MYO1E: variants seen among roughly 807,000 people sequenced by gnomAD.
MYO1E encodes the protein myosin IE.
MYO1E carries 68 observed loss-of-function variants against 151.1 expected under a neutral mutation model. That is an observed-to-expected ratio of 0.45 (90% CI 0.37 to 0.55). The LOEUF (loss-of-function observed/expected upper bound fraction) is 0.55. MYO1E is among the 20% of genes least tolerant of loss of function. The pLI, the probability that MYO1E is intolerant of heterozygous loss-of-function variation, is 0.00. For synonymous variants in MYO1E, 601 were observed against 501.7 expected, an observed-to-expected ratio of 1.20 and a Z score of -2.64; for missense variants, 1,363 against 1,389.3, an observed-to-expected ratio of 0.98 and a Z score of 0.30.
At chr15:59,202,488 G>T in intron 15 of MYO1E, 81 bp from the exon 16 acceptor site, 1 of 1,271,976 alleles carries the variant, frequency 7.9e-7, no homozygotes, top group Non-Finnish European at 1.1e-6. Flanking sequence ...AGGATGGGGT[G>T]AAGGGCCGTC....
intron 1 of MYO1E, among the ~76,000 whole-genome samples, chr15:59,353,368 A>G (rs868410430): frequency 8.4e-5 from 12 of 142,804 alleles, no homozygotes; most frequent in Non-Finnish European, 1.2e-4. Flanking sequence ...AAAAAAAAAA[A>G]AAAAAGAAAA....
chr15:59,193,625 C>T (rs1431139635), intron 17 of MYO1E, among the ~76,000 whole-genome samples: 1 of 152,138 alleles, frequency 6.6e-6, no homozygotes, highest in African/African-American at 2.4e-5. Flanking sequence ...ACACGACGGT[C>T]ACCTCGAACT....
In MYO1E at chr15:59,231,683, A is replaced by C. The variant is rs201941107; in HGVS notation, c.510+19T>G. ...ATCATCAATCAAGCGACACTCTCTG[A>C]AACAGGGAAGGGACTTACAAATCGG... On this transcript the variant is annotated intron_variant, in intron 6 of 27. Coordinates refer to ENST00000288235, the MANE Select transcript of MYO1E (RefSeq NM_004998.4). 5.7e-4 allele frequency: 921 copies of C among 1,611,772 alleles called. 2 individuals are homozygous for C. The highest frequency in any genetic ancestry group is 4.6e-5 in the Non-Finnish European group (54 of 1,177,866).
chr15:59,171,623 A>G (rs1330879222), intron 22 of MYO1E, among the ~76,000 whole-genome samples: 5 of 152,180 alleles, frequency 3.3e-5, no homozygotes, highest in Non-Finnish European at 1.5e-5. Flanking sequence ...TACCGGGTTC[A>G]TTTCTAACAC....
chr15:59,315,337 C>A (rs553296920), intron 1 of MYO1E, among the ~76,000 whole-genome samples: 1 of 152,102 alleles, frequency 6.6e-6, no homozygotes. Context: ...CCATCCCCAT[C>A]CACGTAAAAC....
rs572648314 is a variant in MYO1E, at chr15:59,262,448, C to T, written c.148-939G>A. On this transcript the variant is annotated intron_variant, in intron 2 of 27. Coordinates refer to ENST00000288235, the MANE Select transcript of MYO1E (RefSeq NM_004998.4). ...CCTGGGCAACATAGCAAAACTCCAT[C>T]TCTAAAAAAACAAAAACAAAAACAA... 6.6e-4 allele frequency among the ~76,000 whole-genome samples: 100 copies of T among 151,014 alleles called. 1 individual carries two copies. Among genetic ancestry groups the T allele is most frequent in the African/African-American group, 2.5e-3 (100 of 40,490 alleles).
intron 1 of MYO1E, among the ~76,000 whole-genome samples, chr15:59,332,902 T>C (rs949590159): frequency 1.3e-5 from 2 of 152,142 alleles, no homozygotes; most frequent in African/African-American, 4.8e-5. Flanking sequence ...TTTGTCAAGA[T>C]TGGCTCCATG....
chr15:59,231,836 AC>A, intron 5 of MYO1E, 45 bp from the exon 6 acceptor site: 1 of 1,583,890 alleles, frequency 6.3e-7, no homozygotes, highest in Non-Finnish European at 8.7e-7. Context: ...GTGAACACCT[AC>A]CACACAGTGT....
chr15:59,252,754 G>A (rs532613811), intron 4 of MYO1E, among the ~76,000 whole-genome samples: 2 of 150,354 alleles, frequency 1.3e-5, no homozygotes, highest in South Asian at 4.2e-4. Context: ...AGGCATGGTG[G>A]TGCATGCCTT....
chr15:59,213,742 C>T (rs1004511770), intron 12 of MYO1E, among the ~76,000 whole-genome samples: 5 of 151,838 alleles, frequency 3.3e-5, no homozygotes, highest in African/African-American at 1.2e-4. Context: ...ATTACAGGCA[C>T]GAGCCACAGC....
intron 25 of MYO1E, 44 bp downstream of exon 25, chr15:59,158,237 TTATGGG>T: frequency 7.1e-7 from 1 of 1,409,962 alleles, no homozygotes; most frequent in Non-Finnish European, 9.8e-7. Context: ...ATTTTATAAG[TTATGGG>T]TCCAGATTTA....
intron 1 of MYO1E, among the ~76,000 whole-genome samples, chr15:59,296,889 A>G (rs28502264): frequency 9.6e-4 from 136 of 141,280 alleles, no homozygotes; most frequent in African/African-American, 3.3e-3. Context: ...GCCCAGGCTG[A>G]AGTGCAGTGG....
intron 1 of MYO1E, among the ~76,000 whole-genome samples, chr15:59,321,174 A>G (rs1280708096): frequency 1.3e-5 from 2 of 152,240 alleles, no homozygotes; most frequent in African/African-American, 4.8e-5. Flanking sequence ...TAGAAAGTCA[A>G]AAAACAACAG....
At chr15:59,335,274 C>G (rs769120501) in intron 1 of MYO1E, among the ~76,000 whole-genome samples, 1 of 152,130 alleles carries the variant, frequency 6.6e-6, no homozygotes, top group Non-Finnish European at 1.5e-5. Context: ...TATGTACTAT[C>G]CTTGGTATGT....
At chr15:59,289,003 T>TC (rs2080404056) in intron 1 of MYO1E, among the ~76,000 whole-genome samples, 1 of 152,212 alleles carries the variant, frequency 6.6e-6, no homozygotes, top group Non-Finnish European at 1.5e-5. Context: ...ATATTTACAT[T>TC]CAGAACCCTA....
chr15:59,137,605 G>A (rs1278807933), intron 27 of MYO1E, 149 bp from the exon 28 acceptor site: 8 of 715,456 alleles, frequency 1.1e-5, no homozygotes, highest in Non-Finnish European at 2.0e-5. Context: ...GTTGAAAAAA[G>A]TAAGATATCT....
intron 22 of MYO1E, among the ~76,000 whole-genome samples, chr15:59,166,552 G>GTT (rs112870230): frequency 4.3e-5 from 6 of 141,116 alleles, no homozygotes; most frequent in African/African-American, 1.0e-4. Flanking sequence ...AAGGAGTTTT[G>GTT]TTTTTTTTTT....
intron 16 of MYO1E, among the ~76,000 whole-genome samples, chr15:59,197,584 A>C (rs1467499059): frequency 6.6e-6 from 1 of 152,220 alleles, no homozygotes; most frequent in Non-Finnish European, 1.5e-5. Context: ...TGGGCCTTAA[A>C]GAAACAAAGT....
intron 1 of MYO1E, among the ~76,000 whole-genome samples, chr15:59,329,123 T>G (rs754635072): frequency 6.6e-5 from 10 of 152,202 alleles, no homozygotes; most frequent in Non-Finnish European, 1.3e-4. Flanking sequence ...ATTGACTGAA[T>G]GCTTACTGTT....
Sources: allele counts gnomAD v4.1 joint callset (sites outside exome capture counted in the v4.1 genomes callset), GRCh38; gene constraint gnomAD v4.1.1; transcripts MANE v1.5; gene names NCBI Gene and HGNC (gene_info 2026-07-23, HGNC 2026-07-21).